BST1: variants seen among roughly 807,000 people sequenced by gnomAD.
BST1 encodes bone marrow stromal cell antigen 1.
BST1 carries 49 observed loss-of-function variants against 40.6 expected under a neutral mutation model. The ratio of observed to expected loss-of-function variants is 1.21; its 90% CI spans 0.96 to 1.53. BST1 has a LOEUF of 1.53. Ranked by LOEUF, BST1 falls within the 40% of genes most tolerant of loss-of-function variation. The pLI, the probability that BST1 is intolerant of heterozygous loss-of-function variation, is 0.00. For missense variants in BST1, 423 were observed against 395.9 expected (o/e 1.07, Z -0.58); for synonymous variants, 157 against 159.3 (o/e 0.99, Z 0.11).
the BST1 span, among the ~76,000 whole-genome samples, chr4:15,768,225 G>A: frequency 1.3e-5 from 2 of 152,130 alleles, no homozygotes; most frequent in African/African-American, 2.4e-5. Flanking sequence ...TGGATCTTCA[G>A]ATAACCCTGA....
chr4:15,758,458 A>G, the BST1 span, among the ~76,000 whole-genome samples: 2 of 152,172 alleles, frequency 1.3e-5, no homozygotes, highest in South Asian at 2.1e-4. Flanking sequence ...CCTAAGCTAC[A>G]TCTTTTGCGG....
chr4:15,736,722 T>C (rs1721580810), downstream of BST1, among the ~76,000 whole-genome samples: 1 of 152,154 alleles, frequency 6.6e-6, no homozygotes, highest in Admixed American at 6.5e-5. Flanking sequence ...TTCTCTCAGT[T>C]CCGTATTCTC....
chr4:15,710,370 G>T (rs1720123070), intron 3 of BST1, among the ~76,000 whole-genome samples: 1 of 152,036 alleles, frequency 6.6e-6, no homozygotes, highest in Non-Finnish European at 1.5e-5. Flanking sequence ...TATATACATT[G>T]TGTAATGATC....
intron 8 of BST1, among the ~76,000 whole-genome samples, chr4:15,727,223 A>G (rs995674589): frequency 2.0e-5 from 3 of 152,222 alleles, no homozygotes; most frequent in Admixed American, 2.0e-4. Context: ...CTACCACACC[A>G]CACTGCCTTA....
At chr4:15,711,198 G>A (rs750115619) in intron 3 of BST1, among the ~76,000 whole-genome samples, 6 of 152,154 alleles carry the variant, frequency 3.9e-5, no homozygotes, top group African/African-American at 9.7e-5. Flanking sequence ...TCAACTTGTA[G>A]ATTAGAAATT....
chr4:15,740,673 T>C (rs1721721549), downstream of BST1, among the ~76,000 whole-genome samples: 1 of 152,084 alleles, frequency 6.6e-6, no homozygotes, highest in Admixed American at 6.6e-5. Flanking sequence ...TTATAACAAA[T>C]ATTTGACAGC....
chr4:15,739,554 CGTGTGTGTGTGTGT>C (rs58171340), downstream of BST1, among the ~76,000 whole-genome samples: 254 of 144,040 alleles, frequency 1.8e-3, no homozygotes, highest in Admixed American at 5.5e-3. Context: ...GAAGCCAAAC[CGTGTGTGTGTGTGT>C]GTGTGTGTGT....
the BST1 span, among the ~76,000 whole-genome samples, chr4:15,770,681 C>G: frequency 6.6e-6 from 1 of 152,226 alleles, no homozygotes; most frequent in African/African-American, 2.4e-5. Flanking sequence ...GCCTGGGCAA[C>G]AGAGTGAGAC....
chr4:15,772,689 C>G, the BST1 span, among the ~76,000 whole-genome samples: 1 of 152,300 alleles, frequency 6.6e-6, no homozygotes, highest in African/African-American at 2.4e-5. Context: ...ATTTGCAGAT[C>G]GAACCTAGCT....
chr4:15,723,750 A>T (rs1720952576), intron 8 of BST1: 1 of 496,704 alleles, frequency 2.0e-6, no homozygotes, highest in Admixed American at 6.4e-5. Context: ...TTAAATTTTG[A>T]TATGTTCTGA....
rs916747872 is a variant in BST1 at position 15,714,589 on chromosome 4, G to A, written c.535-696G>A. Among the ~76,000 whole-genome samples, 4 of 152,280 alleles carry A rather than the reference G, an allele frequency of 2.6e-5. No homozygotes were observed. In the South Asian group the frequency reaches 6.2e-4, roughly 24 times the overall value. Reference sequence around the variant, plus strand: ...ATAGTTTACTTACCATTCCCTTGTTGTTGAGTATTCTGTATTAGTTACAAT... The same window carrying A: ...ATAGTTTACTTACCATTCCCTTGTTATTGAGTATTCTGTATTAGTTACAAT... On this transcript the variant is annotated intron_variant, in intron 4 of 8. Coordinates refer to ENST00000265016, the MANE Select transcript of BST1 (RefSeq NM_004334.3).
At position 15,703,429 on chromosome 4, in the gene BST1, G is replaced by A. The variant is rs1719659394; in HGVS notation, c.188+97G>A. ...CTGGCGCTAAAGTTCGGGGTGAGGG[G>A]GCAATGAGAGAGGCCTTGAGGGGAG... On this transcript the variant is annotated intron_variant, in intron 1 of 8. Transcript: ENST00000265016. 6.9e-6 allele frequency: 10 copies of A among 1,445,526 alleles called. No homozygotes were observed. In the South Asian group the frequency reaches 1.3e-4, roughly 18 times the overall value. The allele number at this position is 1,445,526 out of a possible 1,614,324, so 89.5% of individuals were successfully genotyped here.
chr4:15,755,140 T>C, the BST1 span, among the ~76,000 whole-genome samples: 1 of 152,128 alleles, frequency 6.6e-6, no homozygotes, highest in African/African-American at 2.4e-5. Context: ...CTCTTTTTTT[T>C]ATTTTTTTAT....
At chr4:15,764,648 A>T in the BST1 span, among the ~76,000 whole-genome samples, 1 of 151,904 alleles carries the variant, frequency 6.6e-6, no homozygotes, top group Non-Finnish European at 1.5e-5. Context: ...TTCAGCATCT[A>T]TTCACCCTAT....
At chr4:15,768,541 C>T in the BST1 span, among the ~76,000 whole-genome samples, 19 of 140,276 alleles carry the variant, frequency 1.4e-4, no homozygotes, top group Admixed American at 1.3e-3. Flanking sequence ...GGCCGGACTG[C>T]GGACTGCAGT....
At chr4:15,710,480 T>C (rs1233432263) in intron 3 of BST1, among the ~76,000 whole-genome samples, 2 of 152,188 alleles carry the variant, frequency 1.3e-5, no homozygotes, top group Non-Finnish European at 2.9e-5. Flanking sequence ...AAATATACAA[T>C]ACACTATTGT....
rs117081370 is a variant in BST1 at position 15,704,356 on chromosome 4, G to C, written c.188+1024G>C. Among the ~76,000 whole-genome samples, 9 of 151,132 alleles carry C rather than the reference G, an allele frequency of 6.0e-5. 1 individual carries two copies. The East Asian group carries it at 1.8e-3, about 30-fold the overall frequency. On this transcript the variant is annotated intron_variant, in intron 1 of 8. Coordinates refer to ENST00000265016, the MANE Select transcript of BST1 (RefSeq NM_004334.3). ...TGTGTGTTCTAGAGATGATGGGTGTGTGTGTTCTAGAAGTGAGAGGTGTGT... is the reference window on the plus strand; with the variant it reads ...TGTGTGTTCTAGAGATGATGGGTGTCTGTGTTCTAGAAGTGAGAGGTGTGT...
chr4:15,756,510 C>A, the BST1 span, among the ~76,000 whole-genome samples: 1 of 152,276 alleles, frequency 6.6e-6, no homozygotes, highest in South Asian at 2.1e-4. Context: ...TTTTCCTGAC[C>A]TGGGTGGAGA....
At chr4:15,761,968 G>C in the BST1 span, among the ~76,000 whole-genome samples, 1 of 151,710 alleles carries the variant, frequency 6.6e-6, no homozygotes, top group Non-Finnish European at 1.5e-5. Context: ...GGGAGGCCGA[G>C]ACAGGCCGAG....
Sources: allele counts gnomAD v4.1 joint callset (sites outside exome capture counted in the v4.1 genomes callset), GRCh38; gene constraint gnomAD v4.1.1; transcripts MANE v1.5; gene names NCBI Gene and HGNC (gene_info 2026-07-23, HGNC 2026-07-21).